MTTP: variants seen among roughly 807,000 people sequenced by gnomAD.
MTTP encodes the protein microsomal triglyceride transfer protein large subunit.
MTTP carries 49 observed loss-of-function variants against 90.6 expected under a neutral mutation model. That is an observed-to-expected ratio of 0.54 (90% CI 0.43 to 0.69). The LOEUF is 0.69. Among genes scored for constraint, MTTP ranks in the 30% least tolerant of loss-of-function variants. The pLI is 0.00. For synonymous variants in MTTP, 347 were observed against 384.2 expected (o/e 0.90, Z 1.13); for missense variants, 945 against 1,067.5 (o/e 0.89, Z 1.60).
At chr4:99,593,003 G>C (rs1192048637) in intron 6 of MTTP, among the ~76,000 whole-genome samples, 1 of 152,142 alleles carries the variant, frequency 6.6e-6, no homozygotes, top group Non-Finnish European at 1.5e-5. Flanking sequence ...TGATAGGACA[G>C]CTATGATGTC....
intron 1 of MTTP, among the ~76,000 whole-genome samples, chr4:99,566,288 C>CAAAA (rs772513158): frequency 7.5e-5 from 6 of 80,434 alleles, no homozygotes; most frequent in African/African-American, 1.5e-4. Context: ...TACTCCGTCT[C>CAAAA]AAAAAAAAGA....
chr4:99,591,120 G>A (rs1725406728), intron 4 of MTTP, 115 bp from the exon 5 acceptor site: 3 of 766,620 alleles, frequency 3.9e-6, no homozygotes, highest in Non-Finnish European at 4.7e-6. Flanking sequence ...CATCCTGGGG[G>A]AGAAAAAAAG....
Position 99,623,189 on chromosome 4 carries a change from A to C in MTTP, c.*341A>C. The C allele has an allele frequency of 3.0e-6, 1 of 330,214 alleles. No homozygotes were observed. The highest frequency in any genetic ancestry group is 5.8e-6 in the Non-Finnish European group (1 of 173,044). The allele number at this position is 330,214 out of a possible 1,614,324, so 20.5% of individuals were successfully genotyped here. A position where few individuals can be genotyped will look rare whatever the true frequency, so the allele number is the denominator to read the frequency against. On this transcript the variant is annotated 3_prime_UTR_variant, in exon 18 of 18. Transcript: ENST00000265517. ...AAACAAAACCACACAAGGAGAACCC[A>C]ATTTTGTTTCAACAATTTTTGATCA...
chr4:99,583,564 T>G (rs950214696), intron 3 of MTTP, 47 bp downstream of exon 3: 49 of 1,608,488 alleles, frequency 3.0e-5, no homozygotes, highest in African/African-American at 4.0e-5. Context: ...ACTTCATATT[T>G]TTCTTCCCTT....
At chr4:99,601,781 C>A in intron 10 of MTTP, 67 bp downstream of exon 10, 2 of 1,216,004 alleles carry the variant, frequency 1.6e-6, no homozygotes, top group South Asian at 1.2e-5. Context: ...ACTCACCATG[C>A]TGCCTACTAT....
At chr4:99,608,516 A>G (rs1391100245) in intron 11 of MTTP, among the ~76,000 whole-genome samples, 1 of 152,246 alleles carries the variant, frequency 6.6e-6, no homozygotes, top group Non-Finnish European at 1.5e-5. Context: ...AGTTCACTAC[A>G]GTCATGGAAG....
At chr4:99,582,129 T>C (rs766827960) in intron 2 of MTTP, 37 bp downstream of exon 2, 3 of 1,609,644 alleles carry the variant, frequency 1.9e-6, no homozygotes, top group Non-Finnish European at 1.7e-6. Context: ...AAAGATTAGA[T>C]ATCAGAAGTT....
At chr4:99,586,430 A>C (rs1276277323) in intron 3 of MTTP, among the ~76,000 whole-genome samples, 1 of 152,122 alleles carries the variant, frequency 6.6e-6, no homozygotes, top group Non-Finnish European at 1.5e-5. Flanking sequence ...TGTGTTGATT[A>C]AATTAACCAC....
chr4:99,618,824 A>G (rs1008498545), intron 15 of MTTP, 150 bp from the exon 16 acceptor site: 10 of 1,004,264 alleles, frequency 1.0e-5, no homozygotes, highest in Middle Eastern at 3.4e-4. Context: ...AAATTAGGAC[A>G]GCATGTTTCC....
chr4:99,577,908 A>G (rs2110209423), intron 1 of MTTP, among the ~76,000 whole-genome samples: 1 of 152,014 alleles, frequency 6.6e-6, no homozygotes, highest in East Asian at 1.9e-4. Flanking sequence ...CTTTCTCTCA[A>G]TCCCTCACCC....
intron 12 of MTTP, among the ~76,000 whole-genome samples, chr4:99,609,608 A>T (rs1476325176): frequency 1.3e-5 from 2 of 152,228 alleles, no homozygotes; most frequent in Non-Finnish European, 2.9e-5. Context: ...AGTTACATGC[A>T]GAACACTACC....
At position 99,608,936 on chromosome 4, in the gene MTTP, C is replaced by T. The variant is rs186489958; in HGVS notation, c.1728C>T (p.Leu576=). ...CCCAAGAAATGAATAAATACATGCT[C>T]GCCATTGTTCAAGACATCCTACGTT... ...ELPQEMNKYM[L]AIVQDILRFE... Residue 576 remains leucine (L), a synonymous_variant, in exon 12 of 18, where the codon CTC becomes CTT. Transcript: ENST00000265517. 1.8e-5 allele frequency: 29 copies of T among 1,614,084 alleles called. No individual in the cohort carries two copies. The highest frequency in any genetic ancestry group is 2.7e-5 in the African/African-American group (2 of 75,020).
chr4:99,590,672 C>A (rs1725392047), intron 4 of MTTP, among the ~76,000 whole-genome samples: 1 of 152,054 alleles, frequency 6.6e-6, no homozygotes, highest in Non-Finnish European at 1.5e-5. Flanking sequence ...CTGGCAGAGG[C>A]CCCAGGAAAA....
chr4:99,596,768 C>G (rs1725562457), intron 7 of MTTP, among the ~76,000 whole-genome samples: 2 of 152,098 alleles, frequency 1.3e-5, no homozygotes, highest in Admixed American at 1.3e-4. Flanking sequence ...GATAAATTCC[C>G]TTGGTGTAGC....
rs773207196 is a variant in MTTP at position 99,618,988 on chromosome 4, A to G, written c.2232A>G (p.Gln744=). Residue 744 remains glutamine, a synonymous_variant, in exon 16 of 18, where the codon CAA becomes CAG. Coordinates refer to ENST00000265517, the MANE Select transcript of MTTP (RefSeq NM_001386140.1). The part of the protein sequence containing the change: ...LIDHSQELQL[Q]SGLKANIEVQ... ...TTTTCTTCTAGGAACTTCAGTTACA[A>G]TCTGGACTAAAAGCCAATATAGAGG... 3.4e-5 allele frequency: 55 copies of G among 1,612,440 alleles called. No homozygotes were observed. Among genetic ancestry groups the G allele is most frequent in the Middle Eastern group, 3.3e-4 (2 of 6,076 alleles).
chr4:99,598,142 T>A (rs930282152), intron 8 of MTTP, among the ~76,000 whole-genome samples: 1 of 152,168 alleles, frequency 6.6e-6, no homozygotes, highest in African/African-American at 2.4e-5. Context: ...ATTAAAAAAT[T>A]GATAGGAATT....
chr4:99,605,172 G>C (rs1333024195), intron 10 of MTTP, among the ~76,000 whole-genome samples: 5 of 152,030 alleles, frequency 3.3e-5, no homozygotes, highest in Non-Finnish European at 1.5e-5. Flanking sequence ...TATTAACAGA[G>C]AGGTCTCATC....
intron 4 of MTTP, 37 bp from the exon 5 acceptor site, chr4:99,591,197 AG>A: frequency 6.9e-7 from 1 of 1,448,962 alleles, no homozygotes; most frequent in South Asian, 1.1e-5. Context: ...ATGGCCCACA[AG>A]GAATCCCAAG....
chr4:99,585,225 A>AAGGCATTACACGAACTGTCTCTT (rs1288691876), intron 3 of MTTP, among the ~76,000 whole-genome samples: 1 of 152,144 alleles, frequency 6.6e-6, no homozygotes, highest in Admixed American at 6.6e-5. Flanking sequence ...GTGCTGACTA[A>AAGGCATTACACGAACTGTCTCTT]AGGCATTACA....
Sources: gnomAD v4.1 joint callset for allele counts (sites outside exome capture counted in the v4.1 genomes callset) on GRCh38, gnomAD v4.1.1 for gene constraint, MANE v1.5 for transcripts, NCBI Gene and HGNC (gene_info 2026-07-23, HGNC 2026-07-21) for gene names.